Variants in CHRM3 observed in about 807,000 individuals in gnomAD.
The protein encoded by CHRM3 is muscarinic acetylcholine receptor M3.
CHRM3 carries 11 observed loss-of-function variants against 41.8 expected under a neutral mutation model. That is an observed-to-expected ratio of 0.26 (90% CI 0.17 to 0.44). CHRM3 has a LOEUF of 0.44. CHRM3 is among the 20% of genes least tolerant of loss of function. The probability of loss-of-function intolerance (pLI) is 1.00; values close to 1 mark genes in which losing one functional copy is unlikely to be tolerated. For missense variants in CHRM3, 571 were observed against 745.4 expected (o/e 0.77, Z 2.72); for synonymous variants, 297 against 301.4 (o/e 0.99, Z 0.15).
chr1:239,656,766 T>C lies in CHRM3; in HGVS notation c.-249-21420T>C, dbSNP rs370901043. 1.6e-4 allele frequency among the ~76,000 whole-genome samples: 25 copies of C among 152,328 alleles called. No homozygotes were observed. In the South Asian group the frequency reaches 5.0e-3, roughly 30 times the overall value. ...TATTACTTATACGAGTTAACAAATATATTATTATAAAACATGATTTTCCAA... is the reference window on the plus strand; with the variant it reads ...TATTACTTATACGAGTTAACAAATACATTATTATAAAACATGATTTTCCAA... On this transcript the variant is annotated intron_variant, in intron 4 of 6. Transcript: ENST00000676153.
intron 2 of CHRM3, among the ~76,000 whole-genome samples, chr1:239,520,952 A>G (rs573252735): frequency 3.2e-4 from 49 of 152,318 alleles, no homozygotes; most frequent in African/African-American, 1.1e-3. Flanking sequence ...TTGGAGTTAC[A>G]TAATTATAGA....
chr1:239,760,195 G>T (rs1218476855), intron 5 of CHRM3, among the ~76,000 whole-genome samples: 1 of 151,790 alleles, frequency 6.6e-6, no homozygotes, highest in Non-Finnish European at 1.5e-5. Context: ...AAAGTGCTAG[G>T]ATTACAGGCG....
intron 1 of CHRM3, among the ~76,000 whole-genome samples, chr1:239,489,701 C>A (rs942905767): frequency 3.3e-5 from 5 of 151,990 alleles, no homozygotes; most frequent in Non-Finnish European, 7.4e-5. Context: ...CCATTGTTAC[C>A]AAAAATAACT....
chr1:239,452,751 A>G (rs542826702), intron 1 of CHRM3, among the ~76,000 whole-genome samples: 2 of 152,274 alleles, frequency 1.3e-5, no homozygotes, highest in Non-Finnish European at 2.9e-5. Context: ...AAAAAGATAA[A>G]ACATACTCTT....
intron 5 of CHRM3, among the ~76,000 whole-genome samples, chr1:239,692,631 G>T (rs1659826768): frequency 6.6e-6 from 1 of 152,030 alleles, no homozygotes; most frequent in Non-Finnish European, 1.5e-5. Flanking sequence ...CCTAACAAAA[G>T]GCAGGAAAAG....
chr1:239,797,467 T>C (rs1669879690), intron 5 of CHRM3, among the ~76,000 whole-genome samples: 1 of 151,368 alleles, frequency 6.6e-6, no homozygotes, highest in Non-Finnish European at 1.5e-5. Context: ...GGTTTAAAAA[T>C]ATGAAAGTGG....
intron 4 of CHRM3, among the ~76,000 whole-genome samples, chr1:239,670,150 G>A (rs980651210): frequency 6.6e-6 from 1 of 152,148 alleles, no homozygotes; most frequent in Non-Finnish European, 1.5e-5. Context: ...TGAGATTAGA[G>A]AAGTTTATCT....
intron 3 of CHRM3, among the ~76,000 whole-genome samples, chr1:239,620,963 G>A (rs182802053): frequency 7.2e-5 from 11 of 152,308 alleles, no homozygotes; most frequent in Admixed American, 5.9e-4. Context: ...GTGCTTCACA[G>A]ATATTGTGAT....
intron 1 of CHRM3, among the ~76,000 whole-genome samples, chr1:239,404,098 C>T (rs1223317428): frequency 6.7e-6 from 1 of 149,660 alleles, no homozygotes; most frequent in Admixed American, 6.7e-5. Context: ...ACCATCCTGG[C>T]TAACACAGTG....
intron 5 of CHRM3, among the ~76,000 whole-genome samples, chr1:239,756,716 A>T (rs543830401): frequency 6.6e-6 from 1 of 152,306 alleles, no homozygotes; most frequent in Admixed American, 6.5e-5. Flanking sequence ...TGATTATAGA[A>T]CCATCGAGTT....
At chr1:239,404,430 G>GAA (rs1346772535) in intron 1 of CHRM3, among the ~76,000 whole-genome samples, 4 of 112,072 alleles carry the variant, frequency 3.6e-5, no homozygotes, top group African/African-American at 9.9e-5. Context: ...AAGAAAGAAA[G>GAA]AAAGAAAGAA....
chr1:239,746,998 C>T (rs563466739), intron 5 of CHRM3, among the ~76,000 whole-genome samples: 7 of 152,028 alleles, frequency 4.6e-5, no homozygotes, highest in South Asian at 4.2e-4. Context: ...CCTCGTGATC[C>T]GCCCGCCTCA....
At chr1:239,872,414 A>T (rs1676668031) in intron 6 of CHRM3, among the ~76,000 whole-genome samples, 1 of 152,170 alleles carries the variant, frequency 6.6e-6, no homozygotes, top group Non-Finnish European at 1.5e-5. Flanking sequence ...CCTGGTCTAG[A>T]CCAGAAAGAG....
intron 5 of CHRM3, among the ~76,000 whole-genome samples, chr1:239,693,151 A>G (rs557236348): frequency 6.6e-6 from 1 of 152,210 alleles, no homozygotes; most frequent in South Asian, 2.1e-4. Flanking sequence ...GCTCTCTACA[A>G]AATCATGGCT....
At chr1:239,437,303 G>T (rs763486806) in intron 1 of CHRM3, among the ~76,000 whole-genome samples, 2 of 152,070 alleles carry the variant, frequency 1.3e-5, no homozygotes, top group Non-Finnish European at 2.9e-5. Flanking sequence ...TAGAGACAGG[G>T]TCTTGCTACA....
At chr1:239,859,422 T>G (rs35050029) in intron 6 of CHRM3, among the ~76,000 whole-genome samples, 4,133 of 85,444 alleles carry the variant, frequency 0.048, 89 homozygotes, top group South Asian at 0.085. Flanking sequence ...TGTTGTTGTT[T>G]TTTTTTTTTG....
chr1:239,393,974 T>C (rs908365489), intron 1 of CHRM3, among the ~76,000 whole-genome samples: 8 of 152,206 alleles, frequency 5.3e-5, no homozygotes, highest in African/African-American at 1.9e-4. Context: ...TTCATTTACA[T>C]AGGTGTTGTA....
At chr1:239,718,162 T>A (rs1662582327) in intron 5 of CHRM3, among the ~76,000 whole-genome samples, 1 of 151,978 alleles carries the variant, frequency 6.6e-6, no homozygotes. Flanking sequence ...AGGATTGAAA[T>A]GCAACCTACT....
Position 239,500,041 on chromosome 1 carries a change from T to C in CHRM3, c.-422+7234T>C, listed in dbSNP as rs566787734. 2.0e-5 allele frequency among the ~76,000 whole-genome samples: 3 copies of C among 152,268 alleles called. No homozygotes were observed. In the South Asian group the frequency reaches 6.2e-4, roughly 32 times the overall value. ...ATCAAAATGGAACCTCTTTAAAGCA[T>C]AAATGGCTGTGGGTTTGTCATAGAT... On this transcript the variant is annotated intron_variant, in intron 2 of 6. Transcript: ENST00000676153.
Sources: allele counts gnomAD v4.1 joint callset (sites outside exome capture counted in the v4.1 genomes callset), GRCh38; gene constraint gnomAD v4.1.1; transcripts MANE v1.5; gene names NCBI Gene and HGNC (gene_info 2026-07-23, HGNC 2026-07-21).